LSAMP: variants seen among roughly 807,000 people sequenced by gnomAD.
LSAMP encodes the protein limbic system-associated membrane protein.
LSAMP carries 7 observed loss-of-function variants against 38.6 expected under a neutral mutation model. The ratio of observed to expected loss-of-function variants is 0.18; its 90% CI spans 0.10 to 0.34. The LOEUF is 0.34. Ranked by LOEUF, LSAMP falls within the 10% of genes least tolerant of loss-of-function variation. The pLI, the probability that LSAMP is intolerant of heterozygous loss-of-function variation, is 1.00. For synonymous variants in LSAMP, 154 were observed against 166.8 expected (o/e 0.92, Z 0.59); for missense variants, 313 against 420.0 (o/e 0.75, Z 2.23).
chr3:116,041,868 C>A (rs1941182205), intron 2 of LSAMP, among the ~76,000 whole-genome samples: 1 of 150,720 alleles, frequency 6.6e-6, no homozygotes, highest in African/African-American at 2.4e-5. Flanking sequence ...TATATAGCAG[C>A]CAGGTTTGAA....
chr3:115,951,270 G>T (rs781080827), intron 3 of LSAMP, among the ~76,000 whole-genome samples: 6 of 152,064 alleles, frequency 3.9e-5, no homozygotes, highest in Non-Finnish European at 7.4e-5. Flanking sequence ...AAAATAAATA[G>T]ATGGGACCCA....
At chr3:116,029,894 C>A (rs1171159523) in intron 2 of LSAMP, among the ~76,000 whole-genome samples, 1 of 152,006 alleles carries the variant, frequency 6.6e-6, no homozygotes, top group Non-Finnish European at 1.5e-5. Flanking sequence ...CTTATGAGCC[C>A]CAAGCACTGT....
At chr3:115,836,849 C>T (rs750774914) in intron 6 of LSAMP, among the ~76,000 whole-genome samples, 3 of 152,150 alleles carry the variant, frequency 2.0e-5, no homozygotes, top group African/African-American at 7.2e-5. Flanking sequence ...GTGGCCTGAT[C>T]TTGGCTCACT....
At chr3:116,283,153 G>GA (rs1398386994) in intron 1 of LSAMP, among the ~76,000 whole-genome samples, 1 of 147,498 alleles carries the variant, frequency 6.8e-6, no homozygotes, top group Non-Finnish European at 1.5e-5. Flanking sequence ...CCCAATCCCA[G>GA]AAAAATGATT....
At chr3:115,915,475 T>C (rs1398293106) in intron 3 of LSAMP, among the ~76,000 whole-genome samples, 1 of 152,130 alleles carries the variant, frequency 6.6e-6, no homozygotes, top group Non-Finnish European at 1.5e-5. Flanking sequence ...TGAAACAATA[T>C]AACTTAGATT....
chr3:116,405,149 A>G (rs2107831370), intron 1 of LSAMP, among the ~76,000 whole-genome samples: 1 of 152,246 alleles, frequency 6.6e-6, no homozygotes, highest in South Asian at 2.1e-4. Flanking sequence ...GAACAGGCAT[A>G]GATGCATGGT....
chr3:115,903,135 C>T (rs1332729629), intron 3 of LSAMP, among the ~76,000 whole-genome samples: 2 of 152,148 alleles, frequency 1.3e-5, no homozygotes, highest in East Asian at 3.9e-4. Context: ...GGTACAAATA[C>T]ACCATGGAAC....
chr3:116,400,831 A>C (rs1039818264), intron 1 of LSAMP, among the ~76,000 whole-genome samples: 3 of 152,018 alleles, frequency 2.0e-5, no homozygotes, highest in Non-Finnish European at 4.4e-5. Context: ...TTTTTTCCAC[A>C]TTCTACCTTT....
intron 2 of LSAMP, among the ~76,000 whole-genome samples, chr3:116,047,824 A>G (rs1941322231): frequency 6.6e-6 from 1 of 152,256 alleles, no homozygotes; most frequent in Non-Finnish European, 1.5e-5. Context: ...GTATATGTAC[A>G]TTGTCAAATA....
In LSAMP at chr3:116,415,103, T is replaced by C. The variant is rs143182280; in HGVS notation, c.155+29774A>G. Among the ~76,000 whole-genome samples the C allele has an allele frequency of 9.5e-4, 145 of 152,202 alleles. 2 individuals are homozygous for C. Among genetic ancestry groups the C allele is most frequent in the African/African-American group, 3.3e-3 (137 of 41,548 alleles). ...CACACTAAAAACGAAAAAAAAAATC[T>C]GCTTAATTTGAAGATGCTTTCAGAT... is the stretch of plus-strand genomic sequence containing the variant. On this transcript the variant is annotated intron_variant, in intron 1 of 6. Transcript: ENST00000490035.
chr3:116,348,653 C>T (rs1182366280), intron 1 of LSAMP, among the ~76,000 whole-genome samples: 2 of 152,122 alleles, frequency 1.3e-5, no homozygotes, highest in South Asian at 4.1e-4. Context: ...GCAATATATA[C>T]AAACTCGTAT....
At chr3:115,834,640 TTA>T (rs1206616145) in intron 6 of LSAMP, 2 of 1,033,588 alleles carry the variant, frequency 1.9e-6, no homozygotes, top group Non-Finnish European at 2.5e-6. Flanking sequence ...ATTTTAAATA[TTA>T]TATATATGTA....
chr3:116,298,885 T>C (rs1003097339), intron 1 of LSAMP, among the ~76,000 whole-genome samples: 1 of 152,286 alleles, frequency 6.6e-6, no homozygotes, highest in South Asian at 2.1e-4. Flanking sequence ...TCTATCTTTG[T>C]AGAGGTTTTC....
chr3:116,019,299 A>G (rs1940572279), intron 3 of LSAMP, among the ~76,000 whole-genome samples: 1 of 152,144 alleles, frequency 6.6e-6, no homozygotes, highest in Non-Finnish European at 1.5e-5. Flanking sequence ...AGAGATTAAC[A>G]CGTTAGCAAA....
intron 2 of LSAMP, among the ~76,000 whole-genome samples, chr3:116,068,297 C>CTA (rs1013589939): frequency 1.1e-4 from 16 of 152,116 alleles, no homozygotes; most frequent in African/African-American, 3.9e-4. Flanking sequence ...TTTAAATGTG[C>CTA]TATAAATCAT....
At chr3:116,066,023 T>C (rs1168814662) in intron 2 of LSAMP, among the ~76,000 whole-genome samples, 1 of 152,222 alleles carries the variant, frequency 6.6e-6, no homozygotes, top group Non-Finnish European at 1.5e-5. Context: ...CAGGCTGCTA[T>C]AACAAAATAC....
intron 1 of LSAMP, among the ~76,000 whole-genome samples, chr3:116,431,168 C>A (rs1416258405): frequency 6.6e-6 from 1 of 151,632 alleles, no homozygotes; most frequent in Non-Finnish European, 1.5e-5. Flanking sequence ...TGAGAGAGAC[C>A]TCTATCACTA....
At chr3:116,162,324 C>T (rs781721071) in intron 1 of LSAMP, among the ~76,000 whole-genome samples, 3 of 152,060 alleles carry the variant, frequency 2.0e-5, no homozygotes, top group Non-Finnish European at 4.4e-5. Flanking sequence ...GTGAAGTCAC[C>T]TTGTTCCTGG....
chr3:116,184,823 TTTTCTC>T (rs1380467405), intron 1 of LSAMP, among the ~76,000 whole-genome samples: 2 of 151,996 alleles, frequency 1.3e-5, no homozygotes, highest in African/African-American at 2.4e-5. Context: ...TTTTCTTTGT[TTTTCTC>T]TTTCTCAAAG....
Sources: gnomAD v4.1 joint callset for allele counts (sites outside exome capture counted in the v4.1 genomes callset) on GRCh38, gnomAD v4.1.1 for gene constraint, MANE v1.5 for transcripts, NCBI Gene and HGNC (gene_info 2026-07-23, HGNC 2026-07-21) for gene names.